TBC1D22A: variants seen among roughly 807,000 people sequenced by gnomAD.
The protein encoded by TBC1D22A is TBC1 domain family member 22A.
TBC1D22A carries 38 observed loss-of-function variants against 60.2 expected under a neutral mutation model. The observed-to-expected ratio is 0.63, with a 90% CI of 0.49 to 0.83. The LOEUF (loss-of-function observed/expected upper bound fraction) is 0.83. Among genes scored for constraint, TBC1D22A ranks in the 40% least tolerant of loss-of-function variants. The probability of loss-of-function intolerance (pLI) is 0.00; values close to 1 mark genes in which losing one functional copy is unlikely to be tolerated. For synonymous variants in TBC1D22A, 302 were observed against 281.7 expected, an observed-to-expected ratio of 1.07 and a Z score of -0.72; for missense variants, 628 against 701.0, an observed-to-expected ratio of 0.90 and a Z score of 1.18.
intron 8 of TBC1D22A, among the ~76,000 whole-genome samples, chr22:46,968,859 A>G (rs188092464): frequency 8.3e-4 from 126 of 152,302 alleles, no homozygotes; most frequent in Non-Finnish European, 1.4e-3. Flanking sequence ...TCTCCTGACC[A>G]AGCTAAATAT....
chr22:46,896,649 C>T (rs1485556361), intron 7 of TBC1D22A, among the ~76,000 whole-genome samples: 3 of 152,136 alleles, frequency 2.0e-5, no homozygotes, highest in African/African-American at 7.2e-5. Context: ...TCATATAGAT[C>T]TGTGTTGTGT....
chr22:47,136,902 G>A (rs1292502000), intron 12 of TBC1D22A, among the ~76,000 whole-genome samples: 3 of 152,102 alleles, frequency 2.0e-5, no homozygotes, highest in African/African-American at 7.2e-5. Flanking sequence ...GACCTGTCCC[G>A]GTGTCCCATC....
At chr22:47,120,803 A>G (rs1275348520) in intron 12 of TBC1D22A, among the ~76,000 whole-genome samples, 2 of 152,200 alleles carry the variant, frequency 1.3e-5, no homozygotes, top group Non-Finnish European at 2.9e-5. Flanking sequence ...TTAGGTCTAG[A>G]AGTTACTTTA....
intron 8 of TBC1D22A, among the ~76,000 whole-genome samples, chr22:46,936,020 C>CA (rs1272955020): frequency 6.6e-6 from 1 of 152,274 alleles, no homozygotes; most frequent in Non-Finnish European, 1.5e-5. Context: ...TCACTGTCAG[C>CA]ATTGGATTAT....
At chr22:47,166,294 G>C (rs1031042917) in intron 12 of TBC1D22A, among the ~76,000 whole-genome samples, 6 of 152,188 alleles carry the variant, frequency 3.9e-5, no homozygotes, top group African/African-American at 1.2e-4. Flanking sequence ...TTTATACCTA[G>C]AACAGTGCTG....
intron 4 of TBC1D22A, among the ~76,000 whole-genome samples, chr22:46,857,535 G>A (rs985624392): frequency 2.6e-5 from 4 of 152,152 alleles, no homozygotes; most frequent in African/African-American, 7.2e-5. Flanking sequence ...ACCATTTAAA[G>A]TGTACAATTC....
chr22:46,869,457 T>C (rs1348813154), intron 4 of TBC1D22A, among the ~76,000 whole-genome samples: 1 of 152,002 alleles, frequency 6.6e-6, no homozygotes. Flanking sequence ...CCGTGGTGAG[T>C]GTTGATTGGC....
chr22:47,064,561 T>G (rs1191884850), intron 11 of TBC1D22A, among the ~76,000 whole-genome samples: 1 of 152,226 alleles, frequency 6.6e-6, no homozygotes, highest in Non-Finnish European at 1.5e-5. Flanking sequence ...TCATTAAACG[T>G]GGCTTTAAGG....
intron 11 of TBC1D22A, among the ~76,000 whole-genome samples, chr22:47,044,838 A>G (rs921663703): frequency 6.6e-6 from 1 of 152,212 alleles, no homozygotes; most frequent in Admixed American, 6.5e-5. Context: ...GAAAGTCCTT[A>G]GCGACTTTAA....
intron 6 of TBC1D22A, among the ~76,000 whole-genome samples, chr22:46,892,361 A>T (rs1490748313): frequency 6.6e-6 from 1 of 152,204 alleles, no homozygotes; most frequent in Non-Finnish European, 1.5e-5. Flanking sequence ...TTTAAGTTAA[A>T]TGCCTTCCTG....
At chr22:47,066,894 C>T (rs1434324284) in intron 11 of TBC1D22A, among the ~76,000 whole-genome samples, 1 of 152,116 alleles carries the variant, frequency 6.6e-6, no homozygotes, top group African/African-American at 2.4e-5. Context: ...ATGGGCCGTG[C>T]CTATTAAAAG....
intron 11 of TBC1D22A, 56 bp downstream of exon 11, chr22:47,037,254 C>G: frequency 6.2e-7 from 1 of 1,601,906 alleles, no homozygotes; most frequent in Non-Finnish European, 8.5e-7. Context: ...GGGCCGTTTC[C>G]TGTCGCCTTC....
intron 4 of TBC1D22A, among the ~76,000 whole-genome samples, chr22:46,862,608 AATTGGCTGTTTGGAGACAG>A (rs1274300320): frequency 1.3e-5 from 2 of 152,134 alleles, no homozygotes; most frequent in South Asian, 4.2e-4. Flanking sequence ...GGGCTGCGGG[AATTGGCTGTTTGGAGACAG>A]GGTAGGAGGG....
intron 7 of TBC1D22A, among the ~76,000 whole-genome samples, chr22:46,905,010 G>A (rs536035391): frequency 6.1e-4 from 92 of 149,664 alleles, no homozygotes; most frequent in African/African-American, 1.9e-3. Context: ...TCCTGACCTC[G>A]TGATCCACCT....
intron 5 of TBC1D22A, among the ~76,000 whole-genome samples, chr22:46,885,780 A>C (rs547160807): frequency 6.6e-6 from 1 of 152,292 alleles, no homozygotes. Context: ...AGCACATCCC[A>C]GTGAAAGAGG....
chr22:47,000,375 G>C (rs748230991), intron 10 of TBC1D22A, among the ~76,000 whole-genome samples: 1 of 152,204 alleles, frequency 6.6e-6, no homozygotes, highest in Non-Finnish European at 1.5e-5. Flanking sequence ...GTGGTAAGGA[G>C]TTGTGAAAGA....
chr22:46,799,469 A>G (rs1434008030), intron 4 of TBC1D22A, among the ~76,000 whole-genome samples: 2 of 152,198 alleles, frequency 1.3e-5, no homozygotes, highest in Non-Finnish European at 2.9e-5. Context: ...CAGGGGTCAC[A>G]ATCAGGAAAT....
chr22:46,913,687 G>A (rs2070131489), intron 8 of TBC1D22A: 2 of 985,424 alleles, frequency 2.0e-6, no homozygotes, highest in Admixed American at 6.1e-5. Flanking sequence ...AGACTTCAGA[G>A]TTGTTAATTG....
chr22:46,904,746 G>A (rs1235725558), intron 7 of TBC1D22A, among the ~76,000 whole-genome samples: 1 of 151,632 alleles, frequency 6.6e-6, no homozygotes, highest in African/African-American at 2.4e-5. Context: ...GGGATTACAG[G>A]CGTGAGCCAC....
Sources: gnomAD v4.1 joint callset for allele counts (sites outside exome capture counted in the v4.1 genomes callset) on GRCh38, gnomAD v4.1.1 for gene constraint, MANE v1.5 for transcripts, NCBI Gene and HGNC (gene_info 2026-07-23, HGNC 2026-07-21) for gene names.